Variants in SLC6A9 observed in about 807,000 individuals in gnomAD.
SLC6A9 encodes solute carrier family 6 member 9.
A neutral mutation model predicts 70.9 loss-of-function variants in SLC6A9; 31 were observed. That is an observed-to-expected ratio of 0.44 (90% CI 0.33 to 0.59). The LOEUF is 0.59. Ranked by LOEUF, SLC6A9 falls within the 20% of genes least tolerant of loss-of-function variation. The pLI is 0.04. For missense variants in SLC6A9, 631 were observed against 845.2 expected (o/e 0.75, Z 3.14); for synonymous variants, 310 against 341.3 (o/e 0.91, Z 1.01).
chr1:44,000,257 A>G (rs2086041572), intron 12 of SLC6A9, among the ~76,000 whole-genome samples: 1 of 152,198 alleles, frequency 6.6e-6, no homozygotes, highest in South Asian at 2.1e-4. Context: ...GAATATTCAT[A>G]AAACCTGGAA....
chr1:44,003,119 C>T, intron 5 of SLC6A9, 134 bp from the exon 6 acceptor site: 1 of 1,060,262 alleles, frequency 9.4e-7, no homozygotes, highest in Non-Finnish European at 1.4e-6. Context: ...GACATGGGAG[C>T]TACTTCAGGG....
intron 4 of SLC6A9, 118 bp downstream of exon 4, chr1:44,009,847 T>A: frequency 8.2e-7 from 1 of 1,221,768 alleles, no homozygotes; most frequent in Admixed American, 2.3e-5. Flanking sequence ...GGGCTTGGGG[T>A]CAGCATCAGG....
At chr1:44,028,517 A>G (rs2087025155) in intron 1 of SLC6A9, among the ~76,000 whole-genome samples, 1 of 152,226 alleles carries the variant, frequency 6.6e-6, no homozygotes, top group Non-Finnish European at 1.5e-5. Context: ...GCACTTTGGG[A>G]GGCCGAGGTG....
chr1:44,028,779 AAG>A (rs141741974), intron 1 of SLC6A9, among the ~76,000 whole-genome samples: 12 of 149,568 alleles, frequency 8.0e-5, no homozygotes, highest in Non-Finnish European at 1.0e-4. Flanking sequence ...AGAAAAAAGA[AAG>A]AGAGAGAGAG....
At position 44,002,766 on chromosome 1, in the gene SLC6A9, ATCCCC is replaced by A. The variant is rs2086167060; in HGVS notation, c.723+82_723+86del. ...TCTCCGGCTCCGGAGTCCCTTCAGC[ATCCCC>A]TCCCTGCAATACACACATAACCCAG... On this transcript the variant is annotated intron_variant, in intron 6 of 13. Coordinates refer to ENST00000372310, the MANE Select transcript of SLC6A9 (RefSeq NM_001024845.3). This position sits in a 1 kb window ranked among gnomAD's most constrained non-coding sequence, Gnocchi z 5.5. 8 of 1,593,772 alleles carry A rather than the reference ATCCCC, an allele frequency of 5.0e-6. No homozygotes were observed. The highest frequency in any genetic ancestry group is 6.9e-6 in the Non-Finnish European group (8 of 1,164,170).
intron 12 of SLC6A9, among the ~76,000 whole-genome samples, chr1:43,998,848 T>C (rs550066439): frequency 1.8e-4 from 27 of 152,116 alleles, no homozygotes; most frequent in Non-Finnish European, 2.9e-4. Flanking sequence ...CAGGCTGCGG[T>C]GCTCTAGGGA....
chr1:44,001,474 G>C lies in SLC6A9; in HGVS notation c.1116C>G (p.Pro372=), dbSNP rs752071690. 1 of 1,614,206 alleles carries C rather than the reference G, an allele frequency of 6.2e-7. No homozygotes were observed. ...AGATGGGAAGTAGTGTGAGGGCCTC[G>C]GGGTAAGCCACGAAGGCCAGGCCAG... is the stretch of plus-strand genomic sequence containing the variant. ...HGPGLAFVAY[P]EALTLLPISP... Residue 372 remains proline, a synonymous_variant, in exon 9 of 14, where the codon CCC becomes CCG. Coordinates refer to ENST00000372310, the MANE Select transcript of SLC6A9 (RefSeq NM_001024845.3).
At chr1:44,012,510 C>T (rs1213089000) in intron 2 of SLC6A9, among the ~76,000 whole-genome samples, 1 of 152,252 alleles carries the variant, frequency 6.6e-6, no homozygotes, top group African/African-American at 2.4e-5. Flanking sequence ...CTGAACAAGC[C>T]TTCTTTCATT....
intron 1 of SLC6A9, among the ~76,000 whole-genome samples, chr1:44,030,808 C>G (rs1317967102): frequency 6.6e-6 from 1 of 152,136 alleles, no homozygotes; most frequent in African/African-American, 2.4e-5. Flanking sequence ...GGCTGGCGGG[C>G]GCTGAGAGGC....
At chr1:43,998,353 C>T (rs2085961089) in intron 12 of SLC6A9, among the ~76,000 whole-genome samples, 1 of 152,344 alleles carries the variant, frequency 6.6e-6, no homozygotes. Flanking sequence ...AGTAAGGCCA[C>T]ATCCTGGGCC....
chr1:44,023,604 A>T (rs1456572310), intron 2 of SLC6A9, among the ~76,000 whole-genome samples: 1 of 152,144 alleles, frequency 6.6e-6, no homozygotes, highest in Admixed American at 6.5e-5. Context: ...AGATCACGCC[A>T]CTGCACTCTA....
In SLC6A9 at chr1:44,001,455, G is replaced by A; in HGVS notation, c.1135C>T (p.Pro379Ser). Residue 379 changes from proline (P) to serine (S), a missense_variant, in exon 9 of 14, where the codon CCC becomes TCC. Coordinates refer to ENST00000372310, the MANE Select transcript of SLC6A9 (RefSeq NM_001024845.3). ...VAYPEALTLLPISPLWSLLFF... is the reference protein window; with the variant it reads ...VAYPEALTLLSISPLWSLLFF... ...AGCAGAGACCACAGCGGGGAGATGGGAAGTAGTGTGAGGGCCTCGGGGTAA... is the reference window on the plus strand; with the variant it reads ...AGCAGAGACCACAGCGGGGAGATGGAAAGTAGTGTGAGGGCCTCGGGGTAA... 6.2e-7 allele frequency: 1 copy of A among 1,614,228 alleles called. No homozygotes were observed. The highest frequency in any genetic ancestry group is 8.5e-7 in the Non-Finnish European group (1 of 1,180,032).
intron 12 of SLC6A9, among the ~76,000 whole-genome samples, chr1:43,998,465 A>G (rs932141356): frequency 6.6e-6 from 1 of 152,090 alleles, no homozygotes; most frequent in Non-Finnish European, 1.5e-5. Context: ...CCCACTCTTC[A>G]TTTATTCTGG....
rs542478737 is a variant in SLC6A9 at position 44,005,929 on chromosome 1, A to G, written c.590+2424T>C. ...CAGCCCGCGCTGGGGAGTAGAGTGC[A>G]GCGGCTCCACCAGCCAGATTTCTTT... On this transcript the variant is annotated intron_variant, in intron 5 of 13. Transcript: ENST00000372310. Among the ~76,000 whole-genome samples the G allele has an allele frequency of 3.9e-5, 6 of 152,324 alleles. No homozygotes were observed. The South Asian group carries it at 1.2e-3, about 32-fold the overall frequency.
At chr1:44,027,099 G>A (rs760276720) in intron 1 of SLC6A9, among the ~76,000 whole-genome samples, 5 of 152,128 alleles carry the variant, frequency 3.3e-5, no homozygotes, top group Admixed American at 1.3e-4. Context: ...TGCCCGTGGC[G>A]TCCAGTCTCT....
chr1:44,024,283 CG>C lies in SLC6A9; in HGVS notation c.-7del. ...TTGGCACCTTTTCCTACCATGGCGG[CG>C]GTGGGTTGGGGCTCTGGTGACGGGG... On this transcript the variant is annotated 5_prime_UTR_variant, in exon 2 of 14. Coordinates refer to ENST00000372310, the MANE Select transcript of SLC6A9 (RefSeq NM_001024845.3). 5 of 1,614,200 alleles carry C rather than the reference CG, an allele frequency of 3.1e-6. No individual in the cohort carries two copies. The highest frequency in any genetic ancestry group is 4.2e-6 in the Non-Finnish European group (5 of 1,180,014).
intron 3 of SLC6A9, chr1:44,010,339 G>A (rs1215740591): frequency 5.8e-6 from 3 of 512,960 alleles, no homozygotes; most frequent in Non-Finnish European, 1.1e-5. Flanking sequence ...TACTTGGGTG[G>A]GATTTGATGG....
intron 5 of SLC6A9, among the ~76,000 whole-genome samples, chr1:44,003,367 G>A (rs2086191926): frequency 6.6e-6 from 1 of 152,360 alleles, no homozygotes; most frequent in African/African-American, 2.4e-5. Flanking sequence ...ATTCTGTCAG[G>A]TGTCACCTCC....
At chr1:44,016,649 G>T in intron 2 of SLC6A9, 2 of 148,548 alleles carry the variant, frequency 1.3e-5, no homozygotes, top group Non-Finnish European at 1.4e-5. Context: ...ACGTTCCCCT[G>T]CCCCCTCACC....
Sources: allele counts gnomAD v4.1 joint callset (sites outside exome capture counted in the v4.1 genomes callset), GRCh38; gene constraint gnomAD v4.1.1; non-coding constraint Gnocchi (gnomAD v3.1); transcripts MANE v1.5; gene names NCBI Gene and HGNC (gene_info 2026-07-23, HGNC 2026-07-21).